The following POLR2F variants were observed in gnomAD, a reference collection of about 807,000 sequenced individuals.
The protein encoded by POLR2F is DNA-directed RNA polymerases I, II, and III subunit RPABC2.
POLR2F carries 12 observed loss-of-function variants against 22.7 expected under a neutral mutation model. The ratio of observed to expected loss-of-function variants is 0.53; its 90% confidence interval spans 0.34 to 0.86. The LOEUF (loss-of-function observed/expected upper bound fraction) is 0.86. Ranked by LOEUF, POLR2F falls within the 40% of genes least tolerant of loss-of-function variation. The pLI, the probability that POLR2F is intolerant of heterozygous loss-of-function variation, is 0.02. For missense variants in POLR2F, 126 were observed against 171.5 expected (o/e 0.73, Z 1.48); for synonymous variants, 57 against 66.0 (o/e 0.86, Z 0.66).
At chr22:38,037,019 A>G (rs2085122657) in intron 5 of POLR2F, among the ~76,000 whole-genome samples, 1 of 151,786 alleles carries the variant, frequency 6.6e-6, no homozygotes, top group Non-Finnish European at 1.5e-5. Flanking sequence ...CTTCACGTTT[A>G]CCCTGCTTTG....
chr22:37,959,840 G>T lies in POLR2F; in HGVS notation c.221+364G>T, dbSNP rs1196845414. ...TTTTTTTGAGATAGAGTCTCGCTGA[G>T]TCACCTAGGCTGGAGTGCAATGGCA... On this transcript the variant is annotated intron_variant, in intron 3 of 4. Coordinates refer to ENST00000442738, the MANE Select transcript of POLR2F (RefSeq NM_021974.5). Among the ~76,000 whole-genome samples the T allele has an allele frequency of 3.0e-4, 44 of 148,832 alleles. 1 individual carries two copies. The highest frequency in any genetic ancestry group is 2.9e-3 in the Admixed American group (44 of 14,968).
At chr22:37,979,366 G>C (rs1380659478) in intron 4 of POLR2F, among the ~76,000 whole-genome samples, 1 of 152,186 alleles carries the variant, frequency 6.6e-6, no homozygotes, top group Non-Finnish European at 1.5e-5. Flanking sequence ...CCAAAGTGCT[G>C]AGATTATAGG....
chr22:37,983,756 A>T, upstream of POLR2F: 1 of 1,484,048 alleles, frequency 6.7e-7, no homozygotes, highest in African/African-American at 1.5e-5. This position sits in a 1 kb window ranked among gnomAD's most constrained non-coding sequence, Gnocchi z 9.5. Flanking sequence ...GCTCAGCTCC[A>T]CCTCCGATAG....
chr22:37,991,116 C>T (rs960850098), intron 1 of POLR2F, among the ~76,000 whole-genome samples: 2 of 152,150 alleles, frequency 1.3e-5, no homozygotes, highest in African/African-American at 2.4e-5. Context: ...ACCCCCGTTT[C>T]CATTGTTATT....
At chr22:37,959,571 C>A in intron 3 of POLR2F, 95 bp downstream of exon 3, 1 of 1,382,378 alleles carries the variant, frequency 7.2e-7, no homozygotes, top group Non-Finnish European at 1.0e-6. Flanking sequence ...TGAAAACAGA[C>A]TCTCTGCTCT....
At chr22:37,970,210 C>T (rs990234239), downstream of POLR2F, among the ~76,000 whole-genome samples, 1 of 150,754 alleles carries the variant, frequency 6.6e-6, no homozygotes, top group Admixed American at 6.6e-5. Flanking sequence ...GGGAGAATGG[C>T]GTGAACCCGG....
rs73886245 is a variant in POLR2F at position 38,036,881 on chromosome 22, T to C, written c.453-4187T>C. On this transcript the variant is annotated intron_variant, in intron 5 of 5. Coordinates refer to the POLR2F transcript ENST00000407936. ...ATTCCCTCTCAGGCCTTTTGTGCTG[T>C]TGCCACCGGCTGGAACATTCTTTCC... Among the ~76,000 whole-genome samples the C allele has an allele frequency of 9.6e-3, 1,465 of 152,270 alleles. 27 individuals are homozygous for C. The highest frequency in any genetic ancestry group is 0.034 in the African/African-American group (1,419 of 41,562).
intron 1 of POLR2F, among the ~76,000 whole-genome samples, chr22:38,003,951 G>A (rs1044224343): frequency 6.6e-6 from 1 of 152,154 alleles, no homozygotes; most frequent in Non-Finnish European, 1.5e-5. Flanking sequence ...AGGGAGGGAG[G>A]TGCTGGAGAG....
chr22:37,985,512 G>A (rs1270196629), upstream of POLR2F, among the ~76,000 whole-genome samples: 1 of 152,008 alleles, frequency 6.6e-6, no homozygotes, highest in Non-Finnish European at 1.5e-5. Flanking sequence ...TCCAAAGGTC[G>A]CAGTGCTGTT....
Position 37,997,088 on chromosome 22 carries a change from C to T in POLR2F, c.120+10776C>T, listed in dbSNP as rs915588119. ...GCCAGCTGGGACACAGGTGGCAGGC[C>T]GTAGGGAGCAGGGTGCTGCCTGGGG... is the stretch of plus-strand genomic sequence containing the variant. On this transcript the variant is annotated intron_variant, in intron 1 of 2. Coordinates refer to the POLR2F transcript ENST00000333418. The surrounding 1 kb of genome is among the most constrained non-coding windows in gnomAD (Gnocchi z 4.4). Among the ~76,000 whole-genome samples the T allele has an allele frequency of 6.6e-6, 1 of 151,826 alleles. No individual in the cohort carries two copies. Among genetic ancestry groups the T allele is most frequent in the African/African-American group, 2.4e-5 (1 of 41,160 alleles).
chr22:37,998,017 C>T (rs1018082787), intron 1 of POLR2F, among the ~76,000 whole-genome samples: 1 of 152,124 alleles, frequency 6.6e-6, no homozygotes, highest in African/African-American at 2.4e-5. Flanking sequence ...AGAGCCAAGA[C>T]GGCTTGTGGA....
chr22:37,973,468 CG>C, downstream of POLR2F: 9 of 1,420,308 alleles, frequency 6.3e-6, no homozygotes, highest in Non-Finnish European at 3.9e-6. Flanking sequence ...AGGGGCTGGG[CG>C]GGGGGTGGTG....
intron 1 of POLR2F, among the ~76,000 whole-genome samples, chr22:37,955,452 T>A (rs1402769333): frequency 6.6e-6 from 1 of 151,418 alleles, no homozygotes; most frequent in Non-Finnish European, 1.5e-5. Flanking sequence ...GACAGGAGAA[T>A]TGCTTGAACC....
intron 5 of POLR2F, chr22:38,040,872 C>T (rs1306293363): frequency 2.4e-5 from 18 of 756,148 alleles, no homozygotes; most frequent in Admixed American, 1.3e-4. Context: ...TTTTATAAAA[C>T]GTGTGGAGGA....
intron 2 of POLR2F, chr22:38,026,257 C>A (rs1260172833): frequency 1.9e-6 from 1 of 533,150 alleles, no homozygotes; most frequent in African/African-American, 1.9e-5. Context: ...ATTTCCCTCT[C>A]TTTCCCTCCT....
chr22:38,025,822 G>A (rs762039992), intron 1 of POLR2F: 6 of 1,405,202 alleles, frequency 4.3e-6, no homozygotes, highest in African/African-American at 4.2e-5. Context: ...CCAGCATGGT[G>A]TTTCCTATGT....
intron 1 of POLR2F, among the ~76,000 whole-genome samples, chr22:38,004,874 G>A (rs1256996084): frequency 6.6e-6 from 1 of 152,190 alleles, no homozygotes; most frequent in Non-Finnish European, 1.5e-5. Context: ...AACCTGGGTG[G>A]TAGAGGTTGC....
chr22:38,035,344 C>G (rs373378864), intron 5 of POLR2F, among the ~76,000 whole-genome samples: 1 of 152,122 alleles, frequency 6.6e-6, no homozygotes, highest in Non-Finnish European at 1.5e-5. Context: ...TCCTATGGGA[C>G]GAGAGGGATA....
chr22:37,991,906 C>T (rs771287630), intron 1 of POLR2F, among the ~76,000 whole-genome samples: 2 of 152,158 alleles, frequency 1.3e-5, no homozygotes, highest in Non-Finnish European at 2.9e-5. Flanking sequence ...CCACCTCCTC[C>T]GTGGTGCCTG....
Sources: gnomAD v4.1 joint callset for allele counts (sites outside exome capture counted in the v4.1 genomes callset) on GRCh38, gnomAD v4.1.1 for gene constraint, Gnocchi (gnomAD v3.1) non-coding constraint, MANE v1.5 for transcripts, NCBI Gene and HGNC (gene_info 2026-07-23, HGNC 2026-07-21) for gene names.